The following ZNF560 variants were observed in gnomAD, a reference collection of about 807,000 sequenced individuals.
ZNF560 encodes zinc finger protein 560.
A neutral mutation model predicts 81.8 loss-of-function variants in ZNF560; 54 were observed. The ratio of observed to expected loss-of-function variants is 0.66; its 90% CI spans 0.53 to 0.83. The LOEUF is 0.83. ZNF560 is among the 40% of genes least tolerant of loss of function. ZNF560 has a pLI of 0.00. For missense variants in ZNF560, 940 were observed against 932.4 expected (o/e 1.01, Z -0.11); for synonymous variants, 321 against 317.9 (o/e 1.01, Z -0.10).
chr19:9,490,070 G>A (rs1435646909), intron 2 of ZNF560, among the ~76,000 whole-genome samples: 2 of 152,212 alleles, frequency 1.3e-5, no homozygotes, highest in East Asian at 3.9e-4. Context: ...AGCTTCCCTG[G>A]CTAATGTAAA....
the ZNF560 span, among the ~76,000 whole-genome samples, chr19:9,456,743 G>A: frequency 1.3e-5 from 2 of 152,144 alleles, no homozygotes; most frequent in African/African-American, 4.8e-5. Flanking sequence ...GGGCCCGATG[G>A]ACAACCTGGG....
At chr19:9,479,684 A>G (rs962326671) in intron 2 of ZNF560, among the ~76,000 whole-genome samples, 3 of 152,206 alleles carry the variant, frequency 2.0e-5, no homozygotes, top group Non-Finnish European at 4.4e-5. Flanking sequence ...ATATATGTGC[A>G]CATATTTTCC....
At chr19:9,447,658 A>G in the ZNF560 span, among the ~76,000 whole-genome samples, 2 of 151,120 alleles carry the variant, frequency 1.3e-5, no homozygotes, top group Non-Finnish European at 2.9e-5. Context: ...TAACCCAGTC[A>G]GACAAACACA....
chr19:9,476,467 AT>A (rs2073203969), intron 2 of ZNF560, among the ~76,000 whole-genome samples: 2 of 151,892 alleles, frequency 1.3e-5, no homozygotes, highest in Admixed American at 1.3e-4. Flanking sequence ...TAACTTTTGT[AT>A]TTTTAGTAGA....
intron 2 of ZNF560, among the ~76,000 whole-genome samples, chr19:9,490,686 G>C (rs11673302): frequency 0.43 from 64,907 of 152,008 alleles, 15,818 homozygotes; most frequent in Non-Finnish European, 0.55. Context: ...ACAAAAACAG[G>C]TTGAAGATTA....
chr19:9,483,205 T>C (rs2073322016), intron 2 of ZNF560, among the ~76,000 whole-genome samples: 2 of 150,148 alleles, frequency 1.3e-5, no homozygotes, highest in South Asian at 4.2e-4. Context: ...CGCCATCCCG[T>C]CTAGGAAGAG....
chr19:9,465,880 G>T (rs1166348547), downstream of ZNF560, among the ~76,000 whole-genome samples: 1 of 152,162 alleles, frequency 6.6e-6, no homozygotes, highest in Admixed American at 6.5e-5. Flanking sequence ...TATAATCCCA[G>T]CTACTCGGGA....
chr19:9,482,838 T>G (rs1361099340), intron 2 of ZNF560, among the ~76,000 whole-genome samples: 3 of 152,178 alleles, frequency 2.0e-5, no homozygotes, highest in African/African-American at 7.2e-5. Flanking sequence ...GGTTTTCGTA[T>G]TTTTTTGGTG....
intron 4 of ZNF560, among the ~76,000 whole-genome samples, 184 bp from the exon 5 acceptor site, chr19:9,473,443 T>C (rs1012671572): frequency 6.6e-6 from 1 of 152,142 alleles, no homozygotes; most frequent in Admixed American, 6.5e-5. Flanking sequence ...CTGGGTGTGA[T>C]GGCGTGTGCC....
chr19:9,455,481 C>T, the ZNF560 span, among the ~76,000 whole-genome samples: 2 of 152,142 alleles, frequency 1.3e-5, no homozygotes, highest in African/African-American at 2.4e-5. Flanking sequence ...GCATTAGACG[C>T]ACAAGTGGTC....
chr19:9,495,637 G>A (rs2073545798), intron 2 of ZNF560, among the ~76,000 whole-genome samples: 2 of 152,208 alleles, frequency 1.3e-5, no homozygotes, highest in South Asian at 2.1e-4. Flanking sequence ...AACCCAGGAG[G>A]CGGAGGGTGC....
chr19:9,492,782 C>T (rs1333622246), intron 2 of ZNF560, among the ~76,000 whole-genome samples: 1 of 152,200 alleles, frequency 6.6e-6, no homozygotes, highest in Non-Finnish European at 1.5e-5. Context: ...TCAGAACAAA[C>T]AGGCCCAGGA....
downstream of ZNF560, among the ~76,000 whole-genome samples, chr19:9,462,804 G>A (rs10413667): frequency 0.046 from 6,946 of 152,098 alleles, 540 homozygotes; most frequent in African/African-American, 0.16. Flanking sequence ...TAAATATTAG[G>A]TATCTATCAA....
downstream of ZNF560, among the ~76,000 whole-genome samples, chr19:9,463,254 G>T (rs974544949): frequency 3.3e-5 from 5 of 152,150 alleles, no homozygotes; most frequent in Admixed American, 6.5e-5. Flanking sequence ...TCAGAAATCA[G>T]CTTCTAAAAA....
rs776077331 is a variant in ZNF560 at position 9,467,823 on chromosome 19, G to T, written c.1124C>A (p.Pro375His). 7 of 1,614,168 alleles carry T rather than the reference G, an allele frequency of 4.3e-6. No homozygotes were observed. Among genetic ancestry groups the T allele is most frequent in the Non-Finnish European group, 5.9e-6 (7 of 1,180,038 alleles). The part of the protein sequence containing the change: ...NHMQTHIGIK[P>H]YKCKHCGKTF... The stretch of plus-strand genomic sequence containing the variant: ...TTTGCCACAGTGCTTACATTTATAA[G>T]GTTTTATCCCAATGTGGGTTTGCAT... The change falls in exon 10 of 10, where the codon CCT becomes CAT. Residue 375 changes from proline (P) to histidine (H), a missense_variant. Transcript: ENST00000301480.
rs925254652 is a variant in ZNF560, at chr19:9,479,883, T to C, written c.-56-4514A>G. ...TGGTATCCACAGGTGGGGGAGGGGTTATAGGAAGGGGGGTTATCCTGAAAC... is the reference window on the plus strand; with the variant it reads ...TGGTATCCACAGGTGGGGGAGGGGTCATAGGAAGGGGGGTTATCCTGAAAC... On this transcript the variant is annotated intron_variant, in intron 2 of 9. Coordinates refer to ENST00000301480, the MANE Select transcript of ZNF560 (RefSeq NM_152476.3). 3.3e-5 allele frequency among the ~76,000 whole-genome samples: 5 copies of C among 152,098 alleles called. No homozygotes were observed. In the East Asian group the frequency reaches 9.7e-4, roughly 29 times the overall value.
the ZNF560 span, among the ~76,000 whole-genome samples, chr19:9,448,832 G>A: frequency 6.6e-6 from 1 of 152,026 alleles, no homozygotes; most frequent in African/African-American, 2.4e-5. Flanking sequence ...TCAAAAAGTG[G>A]GAGAAAGAGC....
At chr19:9,475,150 C>T (rs1165194371) in intron 3 of ZNF560, 134 bp downstream of exon 3, 2 of 874,896 alleles carry the variant, frequency 2.3e-6, no homozygotes, top group Non-Finnish European at 1.8e-6. Flanking sequence ...TGGGGAAATT[C>T]AACAAGTGAC....
upstream of ZNF560, among the ~76,000 whole-genome samples, chr19:9,501,370 TG>T (rs2073631865): frequency 6.8e-6 from 1 of 146,888 alleles, no homozygotes; most frequent in African/African-American, 2.5e-5. Flanking sequence ...TGTGTGTGTG[TG>T]TGTGTGTGTG....
Sources: allele counts gnomAD v4.1 joint callset (sites outside exome capture counted in the v4.1 genomes callset), GRCh38; gene constraint gnomAD v4.1.1; transcripts MANE v1.5; gene names NCBI Gene and HGNC (gene_info 2026-07-23, HGNC 2026-07-21).